Variants in AKAP6 observed in about 807,000 individuals in gnomAD.
AKAP6 encodes the protein A-kinase anchoring protein 6.
Under a neutral mutation model 188.5 loss-of-function variants are expected in AKAP6, and 58 were observed. The observed-to-expected ratio is 0.31, with a 90% confidence interval of 0.25 to 0.38. The LOEUF (loss-of-function observed/expected upper bound fraction) is 0.38. Among genes scored for constraint, AKAP6 ranks in the 10% least tolerant of loss-of-function variants. The pLI, the probability that AKAP6 is intolerant of heterozygous loss-of-function variation, is 1.00. For missense variants in AKAP6, 2,710 were observed against 2,740.0 expected (o/e 0.99, Z 0.24); for synonymous variants, 989 against 998.6 (o/e 0.99, Z 0.18).
At chr14:32,339,842 A>T (rs1886835102) in intron 1 of AKAP6, among the ~76,000 whole-genome samples, 1 of 152,178 alleles carries the variant, frequency 6.6e-6, no homozygotes, top group Non-Finnish European at 1.5e-5. Context: ...AGAGAGCCTA[A>T]TTCTATACTT....
Position 32,548,800 on chromosome 14 carries a change from G to A in AKAP6, c.2346+1801G>A, listed in dbSNP as rs563871953. Among the ~76,000 whole-genome samples, 18 of 152,234 alleles carry A rather than the reference G, an allele frequency of 1.2e-4. 1 individual carries two copies. The highest frequency in any genetic ancestry group is 2.5e-4 in the Non-Finnish European group (17 of 68,020). The stretch of plus-strand genomic sequence containing the variant: ...AAGGGGTTGTAGTTTCTCCTTCGCC[G>A]GGAAACTATAAGATAGGAGAGAAGA... On this transcript the variant is annotated intron_variant, in intron 4 of 13. Coordinates refer to ENST00000280979, the MANE Select transcript of AKAP6 (RefSeq NM_004274.5).
intron 1 of AKAP6, among the ~76,000 whole-genome samples, chr14:32,398,847 T>TTTTG (rs1260132044): frequency 9.6e-6 from 1 of 104,124 alleles, no homozygotes; most frequent in African/African-American, 3.1e-5. Flanking sequence ...TCTTCCTGTT[T>TTTTG]TTTTTTTTTT....
intron 12 of AKAP6, among the ~76,000 whole-genome samples, chr14:32,775,721 A>C (rs149719990): frequency 4.8e-4 from 73 of 152,194 alleles, no homozygotes; most frequent in Admixed American, 3.6e-3. Context: ...AAGCCACTGC[A>C]CTCAGCCTTT....
intron 11 of AKAP6, among the ~76,000 whole-genome samples, chr14:32,748,726 C>G (rs80286583): frequency 0.017 from 2,519 of 152,198 alleles, 63 homozygotes; most frequent in African/African-American, 0.057. Context: ...GCCCTTTGAC[C>G]TGGGAAGGAA....
rs763589528 is a variant in AKAP6 at position 32,824,835 on chromosome 14, C to T, written c.*42+20C>T. ...TGAAAGGTACGTATAGTCCTCATGC[C>T]GTATATGTATTTAAAATATTGAGTT... On this transcript the variant is annotated intron_variant, in intron 13 of 13. Transcript: ENST00000280979. The T allele has an allele frequency of 9.7e-5, 147 of 1,518,308 alleles. No homozygotes were observed. Among genetic ancestry groups the T allele is most frequent in the Middle Eastern group, 5.3e-4 (3 of 5,628 alleles). The allele number at this position is 1,518,308 out of a possible 1,614,324, so 94.1% of individuals were successfully genotyped here. A position where few individuals can be genotyped will look rare whatever the true frequency, so the allele number is the denominator to read the frequency against.
At chr14:32,724,842 G>A (rs954082343) in intron 9 of AKAP6, among the ~76,000 whole-genome samples, 1 of 151,518 alleles carries the variant, frequency 6.6e-6, no homozygotes, top group African/African-American at 2.4e-5. Context: ...TGACACTGGA[G>A]GAAAAAATAG....
chr14:32,330,111 G>A (rs1297821211), intron 1 of AKAP6, among the ~76,000 whole-genome samples: 4 of 152,072 alleles, frequency 2.6e-5, no homozygotes, highest in Non-Finnish European at 5.9e-5. Flanking sequence ...AGGCTGACTT[G>A]TAACTGAGAA....
chr14:32,510,414 G>GTATATATATACACATATATATGTATA (rs1566546540), intron 2 of AKAP6, among the ~76,000 whole-genome samples: 1 of 112,332 alleles, frequency 8.9e-6, no homozygotes, highest in Non-Finnish European at 1.8e-5. Flanking sequence ...GTATATATAT[G>GTATATATATACACATATATATGTATA]TATATATATA....
At chr14:32,640,129 A>C (rs1887691067) in intron 7 of AKAP6, among the ~76,000 whole-genome samples, 1 of 152,160 alleles carries the variant, frequency 6.6e-6, no homozygotes, top group Admixed American at 6.6e-5. Context: ...TTTTCAATAA[A>C]GGCAAGATAG....
At chr14:32,583,634 C>G (rs924862973) in intron 5 of AKAP6, among the ~76,000 whole-genome samples, 1 of 152,190 alleles carries the variant, frequency 6.6e-6, no homozygotes, top group Admixed American at 6.5e-5. Flanking sequence ...CCACCCAGTT[C>G]GAGCTTCCTG....
intron 8 of AKAP6, among the ~76,000 whole-genome samples, chr14:32,682,664 C>G (rs1327400959): frequency 6.6e-6 from 1 of 152,078 alleles, no homozygotes; most frequent in Non-Finnish European, 1.5e-5. Flanking sequence ...ATTCATGGTT[C>G]TTAACCGAGA....
chr14:32,718,333 C>G (rs75608738), intron 9 of AKAP6: 1 of 985,136 alleles, frequency 1.0e-6, no homozygotes, highest in African/African-American at 1.7e-5. Context: ...AGCCTTAAAG[C>G]CTAAAATCTC....
chr14:32,425,092 A>G (rs1889985686), intron 1 of AKAP6, among the ~76,000 whole-genome samples: 1 of 152,142 alleles, frequency 6.6e-6, no homozygotes, highest in South Asian at 2.1e-4. Context: ...GGCTGAAGTA[A>G]TTTACACTCC....
intron 12 of AKAP6, among the ~76,000 whole-genome samples, chr14:32,809,249 T>C (rs2034163140): frequency 6.6e-6 from 1 of 152,180 alleles, no homozygotes; most frequent in Non-Finnish European, 1.5e-5. Context: ...ACATGCGTAT[T>C]AATCTCTGGA....
At chr14:32,590,033 A>G (rs1885422728) in intron 5 of AKAP6, among the ~76,000 whole-genome samples, 1 of 152,226 alleles carries the variant, frequency 6.6e-6, no homozygotes, top group Non-Finnish European at 1.5e-5. Flanking sequence ...AATAATATTA[A>G]GTTAAAATTC....
Position 32,713,810 on chromosome 14 carries a change from T to C in AKAP6, c.3000+17700T>C, listed in dbSNP as rs551261036. ...CTAGACCACTAAAACTTTTTCCCTA[T>C]CAGCAATAAGGCTGTTTTACTTTCT... On this transcript the variant is annotated intron_variant, in intron 9 of 13. Coordinates refer to ENST00000280979, the MANE Select transcript of AKAP6 (RefSeq NM_004274.5). 7.1e-4 allele frequency among the ~76,000 whole-genome samples: 108 copies of C among 152,210 alleles called. 1 individual carries two copies. In the Middle Eastern group the frequency reaches 0.01, roughly 14 times the overall value.
At position 32,433,607 on chromosome 14, in the gene AKAP6, G is replaced by C; in HGVS notation, c.114G>C (p.Glu38Asp). 1 of 1,614,150 alleles carries C rather than the reference G, an allele frequency of 6.2e-7. No individual in the cohort carries two copies. Among genetic ancestry groups the C allele is most frequent in the Non-Finnish European group, 8.5e-7 (1 of 1,180,028 alleles). ...INMTPTVEQG[E>D]GEEAMKDMDS... ...TGACACCCACTGTGGAGCAGGGTGA[G>C]GGAGAAGAGGCAATGAAGGACATGG... is the stretch of plus-strand genomic sequence containing the variant. The change falls in exon 2 of 14, where the codon GAG (glutamate) becomes GAC (aspartate). Residue 38 changes from glutamate to aspartate, a missense_variant. Around this residue, in one of 2 missense-constraint regions of AKAP6, gnomAD observed 237 missense variants for 313.9 expected, o/e 0.76. Coordinates refer to ENST00000280979, the MANE Select transcript of AKAP6 (RefSeq NM_004274.5).
At chr14:32,395,559 C>T (rs1888853627) in intron 1 of AKAP6, among the ~76,000 whole-genome samples, 1 of 152,154 alleles carries the variant, frequency 6.6e-6, no homozygotes, top group Non-Finnish European at 1.5e-5. Flanking sequence ...TTACATGAGT[C>T]AATAAATGTT....
At chr14:32,415,895 T>G (rs1889640825) in intron 1 of AKAP6, among the ~76,000 whole-genome samples, 1 of 152,244 alleles carries the variant, frequency 6.6e-6, no homozygotes, top group South Asian at 2.1e-4. Flanking sequence ...AATAATATTC[T>G]GTCGTATGTA....
Sources: allele counts gnomAD v4.1 joint callset (sites outside exome capture counted in the v4.1 genomes callset), GRCh38; gene constraint gnomAD v4.1.1; regional missense constraint gnomAD v4.1.1; transcripts MANE v1.5; gene names NCBI Gene and HGNC (gene_info 2026-07-23, HGNC 2026-07-21).